VPS26B: variants seen among roughly 807,000 people sequenced by gnomAD.
The protein encoded by VPS26B is vacuolar protein sorting-associated protein 26B.
In VPS26B, 10 loss-of-function variants were observed where a neutral mutation model predicts 33.3. The ratio of observed to expected loss-of-function variants is 0.30; its 90% CI spans 0.19 to 0.51. The LOEUF (loss-of-function observed/expected upper bound fraction) is 0.51. Among genes scored for constraint, VPS26B ranks in the 20% least tolerant of loss-of-function variants. The pLI, the probability that VPS26B is intolerant of heterozygous loss-of-function variation, is 0.98. For missense variants in VPS26B, 317 were observed against 452.7 expected (o/e 0.70, Z 2.72); for synonymous variants, 190 against 176.9 (o/e 1.07, Z -0.59).
chr11:134,229,595 C>T lies in VPS26B; in HGVS notation c.223+4250C>T, dbSNP rs76723941. On this transcript the variant is annotated intron_variant, in intron 1 of 5. Transcript: ENST00000281187. ...AGTCATTTTGAAGTCTTGGCTCCTC[C>T]TCCCACACATGCAGTTGGCTGCTAA... 2.9e-3 allele frequency among the ~76,000 whole-genome samples: 448 copies of T among 152,330 alleles called. 2 individuals are homozygous for T. The highest frequency in any genetic ancestry group is 0.011 in the African/African-American group (441 of 41,572).
rs1418975551 is a variant in VPS26B at position 134,224,722 on chromosome 11, G to C, written c.-401G>C. On this transcript the variant is annotated 5_prime_UTR_variant, in exon 1 of 6. Coordinates refer to ENST00000281187, the MANE Select transcript of VPS26B (RefSeq NM_052875.5). The stretch of plus-strand genomic sequence containing the variant: ...TGCACCGCCGGAGGCTGGGCAGCTC[G>C]CAGCGCTGCTCGGCGCTGGACCCCA... 6.6e-6 allele frequency: 1 copy of C among 151,900 alleles called. No individual in the cohort carries two copies. Among genetic ancestry groups the C allele is most frequent in the Non-Finnish European group, 1.5e-5 (1 of 68,018 alleles). 9.4% of individuals were successfully genotyped at this position (151,900 alleles called of 1,614,324 possible).
In VPS26B at chr11:134,244,013, A is replaced by G. The variant is rs1190618255; in HGVS notation, c.721+719A>G. On this transcript the variant is annotated intron_variant, in intron 4 of 5. Coordinates refer to ENST00000281187, the MANE Select transcript of VPS26B (RefSeq NM_052875.5). This position sits in a 1 kb window ranked among gnomAD's most constrained non-coding sequence, Gnocchi z 4.0. ...TTATTGGCTTATTCCTTTTACTCCC[A>G]CAGGCTGTTCCATGTGGAAGGAGGA... 1 of 152,232 alleles carries G rather than the reference A, an allele frequency of 6.6e-6. No individual in the cohort carries two copies. Among genetic ancestry groups the G allele is most frequent in the Non-Finnish European group, 1.5e-5 (1 of 68,070 alleles). The allele number at this position is 152,232 out of a possible 1,614,324, so 9.4% of individuals were successfully genotyped here. A position where few individuals can be genotyped will look rare whatever the true frequency, so the allele number is the denominator to read the frequency against.
intron 1 of VPS26B, among the ~76,000 whole-genome samples, chr11:134,233,349 A>C (rs1248659078): frequency 6.6e-6 from 1 of 152,232 alleles, no homozygotes; most frequent in African/African-American, 2.4e-5. Flanking sequence ...GTTGCAGTCT[A>C]GCACGGGACT....
chr11:134,228,655 C>A (rs536468598), intron 1 of VPS26B, among the ~76,000 whole-genome samples: 1 of 152,348 alleles, frequency 6.6e-6, no homozygotes, highest in South Asian at 2.1e-4. Flanking sequence ...TTCTTAAACT[C>A]TTATATTCCT....
chr11:134,233,353 C>T (rs996625701), intron 1 of VPS26B, among the ~76,000 whole-genome samples: 4 of 152,192 alleles, frequency 2.6e-5, no homozygotes, highest in African/African-American at 7.2e-5. Flanking sequence ...CAGTCTAGCA[C>T]GGGACTTGAA....
At chr11:134,237,797 T>C (rs1938655267) in intron 2 of VPS26B, among the ~76,000 whole-genome samples, 1 of 151,956 alleles carries the variant, frequency 6.6e-6, no homozygotes, top group Admixed American at 6.6e-5. Context: ...GCGGTTTCTG[T>C]TGGGTGGTGG....
chr11:134,239,314 C>A (rs1303836458), intron 2 of VPS26B, among the ~76,000 whole-genome samples: 1 of 152,182 alleles, frequency 6.6e-6, no homozygotes, highest in Non-Finnish European at 1.5e-5. Context: ...TCTCAATTAG[C>A]CCTTTCCGTG....
intron 3 of VPS26B, among the ~76,000 whole-genome samples, chr11:134,241,978 C>A (rs542710616): frequency 6.6e-6 from 1 of 152,356 alleles, no homozygotes; most frequent in South Asian, 2.1e-4. Flanking sequence ...ACCCTCTGGC[C>A]TTCCGCTTTT....
In VPS26B at chr11:134,240,774, CGTGTGTGTGTGTGTGTGTCCGTGT is replaced by C. The variant is rs916687584; in HGVS notation, c.545+638_545+661del. On this transcript the variant is annotated intron_variant, in intron 3 of 5. Coordinates refer to ENST00000281187, the MANE Select transcript of VPS26B (RefSeq NM_052875.5). This position sits in a 1 kb window ranked among gnomAD's most constrained non-coding sequence, Gnocchi z 4.4. ...CCGCCACACCCAGCTAATTTGTGTC[CGTGTGTGTGTGTGTGTGTCCGTGT>C]GTGTGTGTGTGTGTGTGTGTGTGTG... Among the ~76,000 whole-genome samples the C allele has an allele frequency of 5.8e-5, 8 of 137,930 alleles. No homozygotes were observed. The highest frequency in any genetic ancestry group is 1.1e-4 in the Non-Finnish European group (7 of 63,518). The allele number at this position is 137,930 out of a possible 152,430, so 90.5% of individuals were successfully genotyped here. A position where few individuals can be genotyped will look rare whatever the true frequency, so the allele number is the denominator to read the frequency against.
intron 2 of VPS26B, among the ~76,000 whole-genome samples, chr11:134,239,351 T>TC (rs1938683336): frequency 6.6e-6 from 1 of 152,126 alleles, no homozygotes; most frequent in African/African-American, 2.4e-5. Context: ...TTTGCCCATC[T>TC]CCCCCGGTGA....
intron 2 of VPS26B, among the ~76,000 whole-genome samples, chr11:134,238,820 C>T (rs188741937): frequency 0.021 from 3,211 of 152,044 alleles, 55 homozygotes; most frequent in Middle Eastern, 0.058. Flanking sequence ...TGGTCTCGAT[C>T]TCCTGACCTC....
rs753649611 is a variant in VPS26B, at chr11:134,225,261, T to G, written c.139T>G (p.Ser47Ala). ...CCTCTTCTACGACGGGGAGACGGTC[T>G]CCGGGAAGGTGAGCCTTGCCCTCAA... ...YFLFYDGETVSGKVSLALKNP... is the reference protein window; with the variant it reads ...YFLFYDGETVAGKVSLALKNP... The change falls in exon 1 of 6, where the codon TCC becomes GCC. Residue 47 changes from serine (S) to alanine (A), a missense_variant. Physicochemically the swap from Ser to Ala is moderately conservative, Grantham distance 99 (BLOSUM62 1). Coordinates refer to ENST00000281187, the MANE Select transcript of VPS26B (RefSeq NM_052875.5). 11 of 1,613,978 alleles carry G rather than the reference T, an allele frequency of 6.8e-6. No individual in the cohort carries two copies. The highest frequency in any genetic ancestry group is 7.6e-6 in the Non-Finnish European group (9 of 1,179,992).
Position 134,245,867 on chromosome 11 carries a change from G to T in VPS26B, c.*277G>T, listed in dbSNP as rs1372698421. ...GGGGAACATGAGCCCCCTTCCTCGG[G>T]GGGCTGCCTTGCGTCTTAGAGGAGG... On this transcript the variant is annotated 3_prime_UTR_variant, in exon 6 of 6. Coordinates refer to ENST00000281187, the MANE Select transcript of VPS26B (RefSeq NM_052875.5). The surrounding 1 kb of genome is among the most constrained non-coding windows in gnomAD (Gnocchi z 4.7). 5 of 435,426 alleles carry T rather than the reference G, an allele frequency of 1.1e-5. No homozygotes were observed. The highest frequency in any genetic ancestry group is 2.1e-5 in the Non-Finnish European group (5 of 238,642). 27.0% of individuals were successfully genotyped at this position (435,426 alleles called of 1,614,324 possible). A position where few individuals can be genotyped will look rare whatever the true frequency, so the allele number is the denominator to read the frequency against.
chr11:134,231,026 G>C (rs1938548473), intron 1 of VPS26B, among the ~76,000 whole-genome samples: 1 of 152,188 alleles, frequency 6.6e-6, no homozygotes, highest in Non-Finnish European at 1.5e-5. Context: ...GCACTGCAAG[G>C]AAAAACTGTA....
intron 1 of VPS26B, among the ~76,000 whole-genome samples, chr11:134,228,623 A>G (rs1454733896): frequency 2.6e-5 from 4 of 152,378 alleles, no homozygotes; most frequent in African/African-American, 9.6e-5. Flanking sequence ...TTGGAAGTCT[A>G]TTTGGAGGCA....
chr11:134,242,669 C>G (rs1030259237), intron 3 of VPS26B, among the ~76,000 whole-genome samples: 2 of 152,254 alleles, frequency 1.3e-5, no homozygotes, highest in East Asian at 3.8e-4. Context: ...CCTGGCCTGT[C>G]GGCCTAGAGC....
In VPS26B at chr11:134,240,957, T is replaced by G. The variant is rs1000814728; in HGVS notation, c.545+802T>G. ...ATGCCCAGCCCTGATGTATTTTTTATAAAAGTCTTAAAATGACTTTATTTT... is the reference window on the plus strand; with the variant it reads ...ATGCCCAGCCCTGATGTATTTTTTAGAAAAGTCTTAAAATGACTTTATTTT... On this transcript the variant is annotated intron_variant, in intron 3 of 5. Coordinates refer to ENST00000281187, the MANE Select transcript of VPS26B (RefSeq NM_052875.5). This position sits in a 1 kb window ranked among gnomAD's most constrained non-coding sequence, Gnocchi z 4.4. Among the ~76,000 whole-genome samples the G allele has an allele frequency of 1.3e-5, 2 of 152,186 alleles. No homozygotes were observed. Among genetic ancestry groups the G allele is most frequent in the Non-Finnish European group, 2.9e-5 (2 of 68,024 alleles).
In VPS26B at chr11:134,245,440, G is replaced by C. The variant is rs1938795766; in HGVS notation, c.865-4G>C. 4 of 1,613,914 alleles carry C rather than the reference G, an allele frequency of 2.5e-6. No homozygotes were observed. Among genetic ancestry groups the C allele is most frequent in the Non-Finnish European group, 3.4e-6 (4 of 1,179,848 alleles). On this transcript the variant is annotated splice_region_variant and splice_polypyrimidine_tract_variant and intron_variant, in intron 5 of 5. Coordinates refer to ENST00000281187, the MANE Select transcript of VPS26B (RefSeq NM_052875.5). This position sits in a 1 kb window ranked among gnomAD's most constrained non-coding sequence, Gnocchi z 4.7. ...GTCACATTGCCCCCCTTTCAATTCTGCAGGAAGTGGTGTTGTGGCGGAAGG... is the reference window on the plus strand; with the variant it reads ...GTCACATTGCCCCCCTTTCAATTCTCCAGGAAGTGGTGTTGTGGCGGAAGG...
At chr11:134,239,151 T>C (rs1366493287) in intron 2 of VPS26B, among the ~76,000 whole-genome samples, 3 of 152,144 alleles carry the variant, frequency 2.0e-5, no homozygotes, top group Non-Finnish European at 2.9e-5. Flanking sequence ...GTCTTCTCTC[T>C]CATCCCCTCC....
Sources: gnomAD v4.1 joint callset for allele counts (sites outside exome capture counted in the v4.1 genomes callset) on GRCh38, gnomAD v4.1.1 for gene constraint, Gnocchi (gnomAD v3.1) non-coding constraint, MANE v1.5 for transcripts, NCBI Gene and HGNC (gene_info 2026-07-23, HGNC 2026-07-21) for gene names.